Variants in KCNMB2 observed in about 807,000 individuals in gnomAD.
The protein encoded by KCNMB2 is potassium calcium-activated channel subfamily M regulatory beta subunit 2.
In KCNMB2, 9 loss-of-function variants were observed where a neutral mutation model predicts 24.5. The observed-to-expected ratio is 0.37, with a 90% CI of 0.22 to 0.64. KCNMB2 has a LOEUF of 0.64. Among genes scored for constraint, KCNMB2 ranks in the 30% least tolerant of loss-of-function variants. The pLI is 0.63. For synonymous variants in KCNMB2, 109 were observed against 104.4 expected (o/e 1.04, Z -0.27); for missense variants, 226 against 284.3 (o/e 0.79, Z 1.47).
chr3:178,611,660 G>A (rs1718488687), intron 1 of KCNMB2, among the ~76,000 whole-genome samples: 1 of 152,078 alleles, frequency 6.6e-6, no homozygotes, highest in African/African-American at 2.4e-5. Flanking sequence ...AGCTCAGATC[G>A]CACCACTGCA....
intron 1 of KCNMB2, among the ~76,000 whole-genome samples, chr3:178,726,333 A>T (rs1372856935): frequency 6.6e-6 from 1 of 151,974 alleles, no homozygotes; most frequent in Non-Finnish European, 1.5e-5. Flanking sequence ...AGAATTCAAG[A>T]GGAAAAAAAT....
intron 4 of KCNMB2, among the ~76,000 whole-genome samples, chr3:178,829,413 C>A (rs1258790176): frequency 3.3e-5 from 5 of 152,078 alleles, no homozygotes; most frequent in African/African-American, 1.2e-4. Flanking sequence ...TTCTGATAAA[C>A]CCACCTTGAA....
At chr3:178,810,003 T>G (rs1035759853) in intron 2 of KCNMB2, among the ~76,000 whole-genome samples, 1 of 150,700 alleles carries the variant, frequency 6.6e-6, no homozygotes, top group Non-Finnish European at 1.5e-5. Flanking sequence ...ATGTTGGAAG[T>G]TAATTTGTCT....
intron 1 of KCNMB2, among the ~76,000 whole-genome samples, chr3:178,800,857 A>T (rs1713747618): frequency 6.6e-6 from 1 of 152,160 alleles, no homozygotes; most frequent in Non-Finnish European, 1.5e-5. Flanking sequence ...AAAAAAATAG[A>T]TCCTGTCATT....
chr3:178,767,969 C>A (rs1560013450), intron 1 of KCNMB2, among the ~76,000 whole-genome samples: 1 of 152,090 alleles, frequency 6.6e-6, no homozygotes, highest in African/African-American at 2.4e-5. Flanking sequence ...TCCATCACCA[C>A]AGGCTGCAGT....
rs1186463829 is a variant in KCNMB2, at chr3:178,844,143, A to G, written c.*1206A>G. ...GGAAAATACGAGGGATTGATTTTAA[A>G]TAAAAAACATTCCATCTTTCATTTA... On this transcript the variant is annotated 3_prime_UTR_variant, in exon 5 of 5. Transcript: ENST00000452583. The G allele has an allele frequency of 2.0e-5, 3 of 152,690 alleles. No individual in the cohort carries two copies. Among genetic ancestry groups the G allele is most frequent in the Admixed American group, 1.3e-4 (2 of 15,272 alleles). 9.5% of individuals were successfully genotyped at this position (152,690 alleles called of 1,614,324 possible).
intron 1 of KCNMB2, among the ~76,000 whole-genome samples, chr3:178,657,640 C>T (rs1240176990): frequency 6.6e-6 from 1 of 152,190 alleles, no homozygotes; most frequent in Non-Finnish European, 1.5e-5. Flanking sequence ...ACTGTCTTAG[C>T]CTGTTTTCTA....
intron 1 of KCNMB2, among the ~76,000 whole-genome samples, chr3:178,581,493 C>A (rs997089435): frequency 6.6e-6 from 1 of 152,136 alleles, no homozygotes; most frequent in African/African-American, 2.4e-5. Flanking sequence ...AAAGCAATGG[C>A]AACAAAAGCC....
chr3:178,604,337 A>G (rs1294316936), intron 1 of KCNMB2, among the ~76,000 whole-genome samples: 5 of 152,102 alleles, frequency 3.3e-5, no homozygotes, highest in Non-Finnish European at 7.3e-5. Flanking sequence ...ATAATGCTAC[A>G]AACAAAGTTT....
chr3:178,647,925 G>A (rs1719974520), intron 1 of KCNMB2, among the ~76,000 whole-genome samples: 1 of 151,998 alleles, frequency 6.6e-6, no homozygotes, highest in African/African-American at 2.4e-5. Flanking sequence ...TCAAACATGA[G>A]AATATCAGTA....
chr3:178,549,993 A>G (rs1715894968), intron 1 of KCNMB2, among the ~76,000 whole-genome samples: 1 of 152,084 alleles, frequency 6.6e-6, no homozygotes, highest in Non-Finnish European at 1.5e-5. Context: ...ATACCTCTTG[A>G]CCAGTTAACT....
At chr3:178,654,554 T>A (rs909376472) in intron 1 of KCNMB2, among the ~76,000 whole-genome samples, 1 of 152,162 alleles carries the variant, frequency 6.6e-6, no homozygotes, top group African/African-American at 2.4e-5. Flanking sequence ...CAAAAATTGG[T>A]CAAAACTGAC....
At chr3:178,596,629 C>A (rs1717881284) in intron 1 of KCNMB2, among the ~76,000 whole-genome samples, 1 of 152,008 alleles carries the variant, frequency 6.6e-6, no homozygotes, top group Non-Finnish European at 1.5e-5. Flanking sequence ...CTTCTTTCTG[C>A]CTTAAAAGAG....
rs2108374728 is a variant in KCNMB2, at chr3:178,738,768, T to C, written c.-67-68575T>C. ...CAGCCCATTAGGCCCTCACAGTACT[T>C]TTCCTTCACTGAAACATAAACCCCT... On this transcript the variant is annotated intron_variant, in intron 1 of 4. Coordinates refer to ENST00000452583, the MANE Select transcript of KCNMB2 (RefSeq NM_181361.3). Among the ~76,000 whole-genome samples the C allele has an allele frequency of 1.3e-5, 2 of 152,266 alleles. 1 individual carries two copies. Among genetic ancestry groups the C allele is most frequent in the South Asian group, 4.2e-4 (2 of 4,818 alleles).
intron 1 of KCNMB2, among the ~76,000 whole-genome samples, chr3:178,631,234 C>T (rs982716940): frequency 6.6e-6 from 1 of 152,170 alleles, no homozygotes; most frequent in Admixed American, 6.5e-5. Context: ...ACTTCATATT[C>T]CTTCTTCTCC....
At chr3:178,685,211 T>A (rs781573711) in intron 1 of KCNMB2, among the ~76,000 whole-genome samples, 7 of 152,218 alleles carry the variant, frequency 4.6e-5, no homozygotes, top group Non-Finnish European at 8.8e-5. Context: ...GGCTTTATGT[T>A]CATGCCTAGG....
chr3:178,778,591 C>T (rs914270457), intron 1 of KCNMB2, among the ~76,000 whole-genome samples: 1 of 151,950 alleles, frequency 6.6e-6, no homozygotes, highest in Non-Finnish European at 1.5e-5. Flanking sequence ...TCTCTATGGT[C>T]CTGAACCATC....
intron 1 of KCNMB2, among the ~76,000 whole-genome samples, chr3:178,764,521 G>T (rs1314739679): frequency 2.0e-5 from 3 of 152,210 alleles, no homozygotes; most frequent in African/African-American, 7.2e-5. Flanking sequence ...TAGTCTAAGT[G>T]TGTAGTAGGA....
At chr3:178,808,967 G>C (rs1302664501) in intron 2 of KCNMB2, among the ~76,000 whole-genome samples, 2 of 152,096 alleles carry the variant, frequency 1.3e-5, no homozygotes, top group Non-Finnish European at 2.9e-5. Context: ...AAGTCCCAGT[G>C]CTCATCATGA....
Sources: gnomAD v4.1 joint callset for allele counts (sites outside exome capture counted in the v4.1 genomes callset) on GRCh38, gnomAD v4.1.1 for gene constraint, MANE v1.5 for transcripts, NCBI Gene and HGNC (gene_info 2026-07-23, HGNC 2026-07-21) for gene names.